The following BRSK2 variants were observed in gnomAD, a reference collection of about 807,000 sequenced individuals.
The protein encoded by BRSK2 is serine/threonine-protein kinase BRSK2.
In BRSK2, 19 loss-of-function variants were observed where a neutral mutation model predicts 83.3. The observed-to-expected ratio is 0.23, with a 90% CI of 0.16 to 0.33. BRSK2 has a LOEUF of 0.33. BRSK2 is among the 10% of genes least tolerant of loss of function. The probability of loss-of-function intolerance (pLI) is 1.00; values close to 1 mark genes in which losing one functional copy is unlikely to be tolerated. For missense variants in BRSK2, 798 were observed against 1,042.3 expected (o/e 0.77, Z 3.23); for synonymous variants, 519 against 435.4 (o/e 1.19, Z -2.39).
chr11:1,442,412 T>G (rs1851466772), intron 4 of BRSK2, 78 bp from the exon 5 acceptor site: 1 of 1,123,036 alleles, frequency 8.9e-7, no homozygotes, highest in African/African-American at 1.5e-5. Context: ...CAGTGGGCTC[T>G]GGGCAGGGGG....
At chr11:1,416,415 T>G (rs910295403) in intron 1 of BRSK2, among the ~76,000 whole-genome samples, 3 of 152,200 alleles carry the variant, frequency 2.0e-5, no homozygotes, top group Non-Finnish European at 2.9e-5. Context: ...AACAGGTTTT[T>G]AGGCTCATGT....
At chr11:1,437,905 G>C (rs1038150521) in intron 2 of BRSK2, among the ~76,000 whole-genome samples, 1 of 152,164 alleles carries the variant, frequency 6.6e-6, no homozygotes. Flanking sequence ...TGCTCCAGGG[G>C]CCCCCAGTCC....
intron 1 of BRSK2, among the ~76,000 whole-genome samples, chr11:1,413,017 G>C (rs1333264577): frequency 1.3e-5 from 2 of 152,176 alleles, no homozygotes; most frequent in African/African-American, 4.8e-5. Context: ...CGGCACCCCA[G>C]GCCCTGGCCT....
rs113422625 is a variant in BRSK2, at chr11:1,422,465, C to T, written c.92-13575C>T. Among the ~76,000 whole-genome samples, 40 of 152,198 alleles carry T rather than the reference C, an allele frequency of 2.6e-4. 1 individual carries two copies. The highest frequency in any genetic ancestry group is 7.5e-4 in the African/African-American group (31 of 41,522). ...CTGGCTCAGGATGCCGGAGGCTCTG[C>T]GGTGGGCCCTGGCGAGTGAGGAGCT... is the stretch of plus-strand genomic sequence containing the variant. On this transcript the variant is annotated intron_variant, in intron 1 of 19. Coordinates refer to ENST00000528841, the MANE Select transcript of BRSK2 (RefSeq NM_001256627.2).
intron 5 of BRSK2, 104 bp from the exon 6 acceptor site, chr11:1,443,002 C>G: frequency 3.0e-6 from 4 of 1,325,642 alleles, no homozygotes; most frequent in Non-Finnish European, 4.0e-6. Flanking sequence ...TCTGGCACCA[C>G]AGCCCTGGAG....
At chr11:1,395,310 C>A (rs1473571979) in intron 1 of BRSK2, among the ~76,000 whole-genome samples, 1 of 152,174 alleles carries the variant, frequency 6.6e-6, no homozygotes, top group African/African-American at 2.4e-5. Context: ...TGGTGGGTAG[C>A]CCTCCCATCT....
chr11:1,444,916 G>A (rs1242983612), intron 8 of BRSK2, 55 bp from the exon 9 acceptor site: 3 of 1,556,318 alleles, frequency 1.9e-6, no homozygotes, highest in African/African-American at 1.4e-5. Flanking sequence ...ACCTCCTAAT[G>A]TGGGCTCTTT....
intron 12 of BRSK2, among the ~76,000 whole-genome samples, chr11:1,448,887 C>T (rs374712600): frequency 2.7e-4 from 41 of 152,244 alleles, no homozygotes; most frequent in African/African-American, 9.2e-4. Flanking sequence ...GGGCCTGGGC[C>T]GTGGTGTGGA....
Position 1,460,523 on chromosome 11 carries a change from G to C in BRSK2, c.2011G>C (p.Asp671His), listed in dbSNP as rs1475185585. Reference sequence around the variant, plus strand: ...AGGCAGCCCATTGAGTAACTTCTTTGACGTAATTAAACAACTTTTTTCAGA... The same window carrying C: ...AGGCAGCCCATTGAGTAACTTCTTTCACGTAATTAAACAACTTTTTTCAGA... ...KCGSPLSNFF[D>H]VIKQLFSDEK... is the part of the protein sequence containing the mutation. The change falls in exon 20 of 20, where the codon GAC becomes CAC. Residue 671 changes from aspartate (D) to histidine (H), a missense_variant. Transcript: ENST00000528841. 1.5e-6 allele frequency: 2 copies of C among 1,331,622 alleles called. No homozygotes were observed. The highest frequency in any genetic ancestry group is 4.4e-5 in the East Asian group (1 of 22,702). 82.5% of individuals were successfully genotyped at this position (1,331,622 alleles called of 1,614,324 possible). A position where few individuals can be genotyped will look rare whatever the true frequency, so the allele number is the denominator to read the frequency against.
chr11:1,446,002 C>T lies in BRSK2; in HGVS notation c.1226+95C>T, dbSNP rs555283983. The stretch of plus-strand genomic sequence containing the variant: ...ATCGCTACCCATTGGCCTGGGGTCT[C>T]GGCTGAGGCCATTGGGTGGGGCTGT... On this transcript the variant is annotated intron_variant, in intron 12 of 19. Transcript: ENST00000528841. 2.0e-4 allele frequency: 273 copies of T among 1,383,854 alleles called. 3 individuals carry two copies. The South Asian group carries it at 3.0e-3, about 15-fold the overall frequency. The allele number at this position is 1,383,854 out of a possible 1,614,324, so 85.7% of individuals were successfully genotyped here. A position where few individuals can be genotyped will look rare whatever the true frequency, so the allele number is the denominator to read the frequency against.
chr11:1,435,608 C>T (rs1413975329), intron 1 of BRSK2, among the ~76,000 whole-genome samples: 35 of 119,112 alleles, frequency 2.9e-4, no homozygotes, highest in African/African-American at 1.1e-3. Flanking sequence ...GTGGGGGTCT[C>T]GGCGGAGGGC....
At chr11:1,414,823 C>T (rs924197010) in intron 1 of BRSK2, among the ~76,000 whole-genome samples, 7 of 152,154 alleles carry the variant, frequency 4.6e-5, no homozygotes, top group East Asian at 1.9e-4. Context: ...GCTGTGCGTC[C>T]GTCTGCGTCT....
chr11:1,419,510 T>A (rs1848442832), intron 1 of BRSK2, among the ~76,000 whole-genome samples: 1 of 152,260 alleles, frequency 6.6e-6, no homozygotes, highest in South Asian at 2.1e-4. Flanking sequence ...TTATTTTTCA[T>A]GTCTTAGAGC....
chr11:1,461,154 C>T lies in BRSK2; in HGVS notation c.*431C>T. ...CTCCGCACGGCCCGTGGGAGGAAGG[C>T]CAGGCTCGGGGGAGCCTCCTCCAGC... is the stretch of plus-strand genomic sequence containing the variant. On this transcript the variant is annotated 3_prime_UTR_variant, in exon 20 of 20. Coordinates refer to ENST00000528841, the MANE Select transcript of BRSK2 (RefSeq NM_001256627.2). 1 of 1,097,086 alleles carries T rather than the reference C, an allele frequency of 9.1e-7. No individual in the cohort carries two copies. Among genetic ancestry groups the T allele is most frequent in the Non-Finnish European group, 1.3e-6 (1 of 790,708 alleles). The allele number at this position is 1,097,086 out of a possible 1,614,324, so 68.0% of individuals were successfully genotyped here.
At chr11:1,460,391 T>C in intron 19 of BRSK2, 109 bp from the exon 20 acceptor site, 1 of 917,690 alleles carries the variant, frequency 1.1e-6, no homozygotes, top group Admixed American at 3.9e-5. Flanking sequence ...CTTCGTTCAT[T>C]TGTTTGTTTG....
At position 1,443,322 on chromosome 11, in the gene BRSK2, C is replaced by T. The variant is rs754566050; in HGVS notation, c.565-13C>T. 1.6e-5 allele frequency: 25 copies of T among 1,603,584 alleles called. No individual in the cohort carries two copies. The highest frequency in any genetic ancestry group is 2.0e-5 in the Non-Finnish European group (24 of 1,176,394). Reference sequence around the variant, plus strand: ...CCTGCGCCCCCCAACAGCCCGGGCACTGCTGTCCACAGGGGGAGAAGTATG... The same window carrying T: ...CCTGCGCCCCCCAACAGCCCGGGCATTGCTGTCCACAGGGGGAGAAGTATG... On this transcript the variant is annotated splice_polypyrimidine_tract_variant and intron_variant, in intron 6 of 19. Transcript: ENST00000528841.
chr11:1,457,748 C>T (rs951703950), intron 18 of BRSK2, among the ~76,000 whole-genome samples: 3 of 152,178 alleles, frequency 2.0e-5, no homozygotes, highest in East Asian at 1.9e-4. Flanking sequence ...GAGGGCCCCA[C>T]TGCCCCTCCC....
chr11:1,393,046 C>T lies in BRSK2; in HGVS notation c.91+2671C>T, dbSNP rs569735933. Among the ~76,000 whole-genome samples, 19 of 152,288 alleles carry T rather than the reference C, an allele frequency of 1.2e-4. No individual in the cohort carries two copies. In the South Asian group the frequency reaches 3.7e-3, roughly 30 times the overall value. ...GGCTGGGGTTGGGGTGGGAACCCAC[C>T]TGCAAAGGTGCTGCCTTAGCTTTTC... On this transcript the variant is annotated intron_variant, in intron 1 of 19. Transcript: ENST00000528841.
At position 1,438,476 on chromosome 11, in the gene BRSK2, CAG is replaced by C; in HGVS notation, c.272+86_272+87del. 2 of 1,320,848 alleles carry C rather than the reference CAG, an allele frequency of 1.5e-6. No individual in the cohort carries two copies. The highest frequency in any genetic ancestry group is 1.1e-6 in the Non-Finnish European group (1 of 925,706). The allele number at this position is 1,320,848 out of a possible 1,614,324, so 81.8% of individuals were successfully genotyped here. On this transcript the variant is annotated intron_variant, in intron 3 of 19. Coordinates refer to ENST00000528841, the MANE Select transcript of BRSK2 (RefSeq NM_001256627.2). The surrounding 1 kb of genome is among the most constrained non-coding windows in gnomAD (Gnocchi z 6.4). ...GTGGGTGTCTGGGGCTTGGGGAGCA[CAG>C]GGGCTGGAGGCCAGGGGCGCCTGCT... is the stretch of plus-strand genomic sequence containing the variant.
Sources: gnomAD v4.1 joint callset for allele counts (sites outside exome capture counted in the v4.1 genomes callset) on GRCh38, gnomAD v4.1.1 for gene constraint, Gnocchi (gnomAD v3.1) non-coding constraint, MANE v1.5 for transcripts, NCBI Gene and HGNC (gene_info 2026-07-23, HGNC 2026-07-21) for gene names.